The following POT1 variants were observed in gnomAD, a reference collection of about 807,000 sequenced individuals.
POT1 encodes protection of telomeres 1.
A neutral mutation model predicts 78.5 loss-of-function variants in POT1; 47 were observed. That is an observed-to-expected ratio of 0.60 (90% CI 0.47 to 0.76). The LOEUF is 0.76. Among genes scored for constraint, POT1 ranks in the 30% least tolerant of loss-of-function variants. The pLI is 0.00. For synonymous variants in POT1, 259 were observed against 260.7 expected (o/e 0.99, Z 0.06); for missense variants, 646 against 749.9 (o/e 0.86, Z 1.62).
chr7:124,893,408 C>T (rs761187866), intron 5 of POT1, among the ~76,000 whole-genome samples: 5 of 151,338 alleles, frequency 3.3e-5, no homozygotes, highest in Non-Finnish European at 7.4e-5. Context: ...CTAACAATTC[C>T]TAAATTCTTG....
At chr7:124,857,679 G>A (rs117589072) in intron 9 of POT1, among the ~76,000 whole-genome samples, 1 of 152,266 alleles carries the variant, frequency 6.6e-6, no homozygotes, top group East Asian at 1.9e-4. Flanking sequence ...CTACCTTCCT[G>A]CTCCATCCTC....
Position 124,827,283 on chromosome 7 carries a change from T to A in POT1, c.1617A>T (p.Gln539His), listed in dbSNP as rs973319258. 2.6e-5 allele frequency: 42 copies of A among 1,596,242 alleles called. No individual in the cohort carries two copies. Among genetic ancestry groups the A allele is most frequent in the Non-Finnish European group, 3.4e-5 (40 of 1,166,590 alleles). Reference protein sequence around the residue: ...VAEALGIVPLQYVFVMTFTLD... With the variant: ...VAEALGIVPLHYVFVMTFTLD... ...GTGTAAAGGTCATAACAAACACATA[T>A]TGGAGGGGTACAATACCCAGTGCTA... The change falls in exon 17 of 19, where the codon CAA becomes CAT. Residue 539 changes from glutamine to histidine, a missense_variant. Gln to His is a conservative substitution (Grantham distance 24, BLOSUM62 0). Transcript: ENST00000357628.
intron 8 of POT1, among the ~76,000 whole-genome samples, chr7:124,859,611 T>C (rs1203642958): frequency 1.3e-5 from 2 of 151,914 alleles, no homozygotes; most frequent in Non-Finnish European, 2.9e-5. Flanking sequence ...ATTTCCTTTA[T>C]ATGATGATTT....
At chr7:124,895,550 T>C (rs958752760) in intron 5 of POT1, among the ~76,000 whole-genome samples, 5 of 134,070 alleles carry the variant, frequency 3.7e-5, no homozygotes, top group Non-Finnish European at 6.6e-5. Flanking sequence ...TATTTATTTC[T>C]GTCCTTCCTT....
At chr7:124,844,732 C>CAAA (rs33956452) in intron 12 of POT1, among the ~76,000 whole-genome samples, 8 of 62,858 alleles carry the variant, frequency 1.3e-4, no homozygotes, top group South Asian at 7.2e-4. Flanking sequence ...GACTCCGCCT[C>CAAA]AAAAAAAAAA....
At chr7:124,924,070 C>A (rs186570366) in intron 2 of POT1, among the ~76,000 whole-genome samples, 278 of 148,992 alleles carry the variant, frequency 1.9e-3, no homozygotes, top group Middle Eastern at 3.4e-3. Context: ...CTCAATGAAA[C>A]CAGAAAAACA....
chr7:124,872,391 G>A (rs1422651838), intron 6 of POT1, among the ~76,000 whole-genome samples: 2 of 152,088 alleles, frequency 1.3e-5, no homozygotes, highest in Non-Finnish European at 2.9e-5. Context: ...GCAGTCAACT[G>A]TGATCTATAA....
intron 2 of POT1, 126 bp downstream of exon 2, chr7:124,928,689 T>G (rs891840882): frequency 1.3e-5 from 2 of 152,506 alleles, no homozygotes; most frequent in African/African-American, 4.8e-5. Context: ...TATTGAAATA[T>G]TCAATCTCAA....
chr7:124,842,480 A>T (rs971797227), intron 13 of POT1, among the ~76,000 whole-genome samples: 2 of 151,990 alleles, frequency 1.3e-5, no homozygotes, highest in African/African-American at 4.8e-5. Flanking sequence ...CCTTTCAAAA[A>T]TTTCAGTTAA....
At chr7:124,878,118 G>A (rs113394869) in intron 6 of POT1, among the ~76,000 whole-genome samples, 1 of 151,768 alleles carries the variant, frequency 6.6e-6, no homozygotes, top group Non-Finnish European at 1.5e-5. Flanking sequence ...ATCACTAGTG[G>A]CCAGGAGTTT....
intron 6 of POT1, among the ~76,000 whole-genome samples, chr7:124,890,987 G>A (rs898122495): frequency 1.3e-5 from 2 of 151,768 alleles, no homozygotes; most frequent in East Asian, 3.9e-4. Flanking sequence ...CTCTGTTGTA[G>A]CTGGGTAGAA....
At chr7:124,883,971 T>C (rs1007890338) in intron 6 of POT1, among the ~76,000 whole-genome samples, 4 of 151,976 alleles carry the variant, frequency 2.6e-5, no homozygotes, top group African/African-American at 9.7e-5. Flanking sequence ...TCAATATGTG[T>C]ATCAATAATA....
chr7:124,907,734 A>G (rs1796799656), intron 3 of POT1, among the ~76,000 whole-genome samples: 1 of 152,138 alleles, frequency 6.6e-6, no homozygotes, highest in African/African-American at 2.4e-5. Flanking sequence ...TGATAGCAGA[A>G]GAGGCTATGC....
intron 2 of POT1, among the ~76,000 whole-genome samples, chr7:124,923,295 G>A (rs1482327352): frequency 6.6e-6 from 1 of 151,774 alleles, no homozygotes; most frequent in Non-Finnish European, 1.5e-5. Context: ...GTTTATGAAT[G>A]AGAGATTTAC....
At chr7:124,865,425 T>A (rs1414107180) in intron 7 of POT1, among the ~76,000 whole-genome samples, 1 of 152,094 alleles carries the variant, frequency 6.6e-6, no homozygotes, top group East Asian at 1.9e-4. Flanking sequence ...ATGTAACCCT[T>A]GATATTGTTC....
chr7:124,882,614 C>A (rs1157144180), intron 6 of POT1, among the ~76,000 whole-genome samples: 1 of 151,876 alleles, frequency 6.6e-6, no homozygotes, highest in Non-Finnish European at 1.5e-5. Context: ...TGGAGTTTTA[C>A]TTCCATGTTT....
At chr7:124,841,442 T>C (rs2116463086) in intron 13 of POT1, among the ~76,000 whole-genome samples, 1 of 152,100 alleles carries the variant, frequency 6.6e-6, no homozygotes, top group African/African-American at 2.4e-5. Flanking sequence ...CCTGGTTTTG[T>C]GATACAAAGT....
intron 13 of POT1, among the ~76,000 whole-genome samples, chr7:124,841,414 C>G (rs1412466362): frequency 1.3e-5 from 2 of 151,880 alleles, no homozygotes; most frequent in African/African-American, 4.8e-5. Context: ...TTTACATTAA[C>G]TACCAGTGAT....
At chr7:124,839,935 T>G (rs2116457965) in intron 14 of POT1, among the ~76,000 whole-genome samples, 1 of 152,064 alleles carries the variant, frequency 6.6e-6, no homozygotes, top group East Asian at 1.9e-4. Context: ...TCACTCAAAG[T>G]CCAGTCTATA....
Sources: gnomAD v4.1 joint callset for allele counts (sites outside exome capture counted in the v4.1 genomes callset) on GRCh38, gnomAD v4.1.1 for gene constraint, MANE v1.5 for transcripts, NCBI Gene and HGNC (gene_info 2026-07-23, HGNC 2026-07-21) for gene names.